DOCK9: variants seen among roughly 807,000 people sequenced by gnomAD.
DOCK9 encodes dedicator of cytokinesis protein 9.
A neutral mutation model predicts 263.3 loss-of-function variants in DOCK9; 89 were observed. That is an observed-to-expected ratio of 0.34 (90% CI 0.28 to 0.40). The LOEUF is 0.40. Among genes scored for constraint, DOCK9 ranks in the 10% least tolerant of loss-of-function variants. The pLI is 1.00. For missense variants in DOCK9, 2,140 were observed against 2,603.4 expected (o/e 0.82, Z 3.87); for synonymous variants, 976 against 973.1 (o/e 1.00, Z -0.06).
At position 98,888,618 on chromosome 13, in the gene DOCK9, G is replaced by A. The variant is rs2046162874; in HGVS notation, c.1789+14C>T. The stretch of plus-strand genomic sequence containing the variant: ...TAATAAAAATTCTGTCTATTATGTA[G>A]AACTGACACTTACTAGGGAAGTCTG... On this transcript the variant is annotated intron_variant, in intron 16 of 52. Transcript: ENST00000682017. The A allele has an allele frequency of 4.3e-6, 7 of 1,613,190 alleles. No homozygotes were observed. Among genetic ancestry groups the A allele is most frequent in the Non-Finnish European group, 5.9e-6 (7 of 1,179,284 alleles).
At chr13:98,978,140 C>G (rs1875761915), upstream of DOCK9, 1 of 1,361,940 alleles carries the variant, frequency 7.3e-7, no homozygotes. Context: ...GAGGCTCCTA[C>G]TTGCTGGCCA....
At chr13:99,007,774 A>T (rs1357768203) in intron 1 of DOCK9, among the ~76,000 whole-genome samples, 1 of 152,220 alleles carries the variant, frequency 6.6e-6, no homozygotes, top group Non-Finnish European at 1.5e-5. Flanking sequence ...AAGTCACTGT[A>T]TTCTGTTCAA....
intron 36 of DOCK9, 96 bp from the exon 37 acceptor site, chr13:98,848,735 T>C (rs1474627459): frequency 8.1e-7 from 1 of 1,241,570 alleles, no homozygotes. Context: ...CAATAAACAT[T>C]ATGTCTAGTA....
chr13:98,832,704 C>T (rs1163562156), intron 39 of DOCK9, among the ~76,000 whole-genome samples: 7 of 152,204 alleles, frequency 4.6e-5, no homozygotes, highest in Non-Finnish European at 1.0e-4. Context: ...CACTAAATGA[C>T]ACACCACCAC....
chr13:98,990,746 C>A (rs1336223154), intron 1 of DOCK9, among the ~76,000 whole-genome samples: 2 of 152,188 alleles, frequency 1.3e-5, no homozygotes, highest in East Asian at 3.8e-4. Context: ...TACATATGAG[C>A]ACCCCAGTTA....
intron 41 of DOCK9, among the ~76,000 whole-genome samples, chr13:98,830,035 T>C (rs887431676): frequency 1.3e-5 from 2 of 152,208 alleles, no homozygotes; most frequent in African/African-American, 2.4e-5. Flanking sequence ...GATAAGCCCA[T>C]CCACTTGGAT....
intron 1 of DOCK9, among the ~76,000 whole-genome samples, chr13:98,991,325 C>A (rs914250095): frequency 2.0e-5 from 3 of 152,138 alleles, no homozygotes; most frequent in African/African-American, 7.2e-5. Flanking sequence ...CTGCCTCGGC[C>A]TCCCAAAGTG....
intron 1 of DOCK9, among the ~76,000 whole-genome samples, chr13:98,971,090 T>A (rs1014525457): frequency 1.3e-5 from 2 of 152,218 alleles, no homozygotes; most frequent in African/African-American, 4.8e-5. Flanking sequence ...ACACTAGAGC[T>A]TGAGTCCCAG....
chr13:99,043,677 G>T (rs1048888850), intron 1 of DOCK9, among the ~76,000 whole-genome samples: 2 of 152,140 alleles, frequency 1.3e-5, no homozygotes, highest in Admixed American at 6.5e-5. Flanking sequence ...GTAAGGGAAG[G>T]GAGCTGAGGA....
At chr13:98,899,077 AG>A (rs1196131800) in intron 13 of DOCK9, among the ~76,000 whole-genome samples, 2 of 147,936 alleles carry the variant, frequency 1.4e-5, no homozygotes, top group African/African-American at 5.0e-5. Flanking sequence ...TTTTTACTGA[AG>A]GGTCTTTTAC....
intron 15 of DOCK9, among the ~76,000 whole-genome samples, chr13:98,895,567 A>T (rs2047299244): frequency 6.6e-6 from 1 of 151,726 alleles, no homozygotes; most frequent in Non-Finnish European, 1.5e-5. Flanking sequence ...TGGGAGGCTG[A>T]GGCAGGAGAA....
In DOCK9 at chr13:98,880,667, C is replaced by T. The variant is rs61998238; in HGVS notation, c.2751G>A (p.Ala917=). The T allele has an allele frequency of 3.6e-4, 575 of 1,613,242 alleles. 3 individuals carry two copies. In the African/African-American group the frequency reaches 6.3e-3, roughly 18 times the overall value. ...AGGCAACATATGGCTCAGCCTTATA[C>T]GCGTACTTTGAAGAAAAGAGAAAGA... The part of the protein sequence containing the change: ...ESHLRSYVKY[A]YKAEPYVASE... Residue 917 remains alanine (A), a synonymous_variant, in exon 26 of 53, where the codon GCG becomes GCA. Transcript: ENST00000682017.
intron 1 of DOCK9, among the ~76,000 whole-genome samples, chr13:99,049,987 T>C (rs7987197): frequency 0.2 from 30,627 of 152,210 alleles, 4,088 homozygotes; most frequent in Non-Finnish European, 0.3. Flanking sequence ...GAAGCAATTA[T>C]GCTATAGATT....
intron 1 of DOCK9, among the ~76,000 whole-genome samples, chr13:99,036,104 TA>T (rs1887845454): frequency 6.6e-6 from 1 of 152,152 alleles, no homozygotes; most frequent in Non-Finnish European, 1.5e-5. Flanking sequence ...GCCAATTCCT[TA>T]AAATAGAAAG....
intron 19 of DOCK9, among the ~76,000 whole-genome samples, chr13:98,886,289 T>C (rs55711105): frequency 0.038 from 5,851 of 152,302 alleles, 180 homozygotes; most frequent in South Asian, 0.13. Context: ...GTGGTAGTGA[T>C]AGTGGGATTA....
At chr13:98,909,290 A>T (rs1259100652) in intron 9 of DOCK9, among the ~76,000 whole-genome samples, 1 of 152,194 alleles carries the variant, frequency 6.6e-6, no homozygotes, top group Non-Finnish European at 1.5e-5. Flanking sequence ...ACACACCCTG[A>T]CAAGGTTTTC....
chr13:98,794,823 C>A, intron 52 of DOCK9, 75 bp from the exon 53 acceptor site: 2 of 1,518,760 alleles, frequency 1.3e-6, no homozygotes, highest in South Asian at 1.2e-5. Flanking sequence ...CCATGTGTGA[C>A]ACAATGTTAC....
intron 49 of DOCK9, among the ~76,000 whole-genome samples, chr13:98,801,717 G>A (rs1300660049): frequency 6.6e-6 from 1 of 152,044 alleles, no homozygotes; most frequent in Non-Finnish European, 1.5e-5. Context: ...ACAAGCAAAC[G>A]TCAGATGGGA....
Position 98,975,821 on chromosome 13 carries a change from T to C in DOCK9, c.126+1963A>G, listed in dbSNP as rs114054793. Among the ~76,000 whole-genome samples the C allele has an allele frequency of 3.3e-3, 500 of 152,352 alleles. 3 individuals are homozygous for C. Among genetic ancestry groups the C allele is most frequent in the African/African-American group, 0.012 (486 of 41,590 alleles). ...CTCTAGGTATAATGCATTCAAATGA[T>C]AGACAGTCTTGGGGATTCTTACCAA... On this transcript the variant is annotated intron_variant, in intron 1 of 52. Transcript: ENST00000682017.
Sources: gnomAD v4.1 joint callset for allele counts (sites outside exome capture counted in the v4.1 genomes callset) on GRCh38, gnomAD v4.1.1 for gene constraint, MANE v1.5 for transcripts, NCBI Gene and HGNC (gene_info 2026-07-23, HGNC 2026-07-21) for gene names.